Variants in HEMK2 observed in about 807,000 individuals in gnomAD.
HEMK2 encodes the protein HemK methyltransferase 2, ETF1 glutamine and histone H4 lysine.
the HEMK2 span, among the ~76,000 whole-genome samples, chr21:28,742,008 G>A: frequency 6.6e-6 from 1 of 152,302 alleles, no homozygotes; most frequent in East Asian, 1.9e-4. Flanking sequence ...TACAGGGAAA[G>A]CAAGCCTGGG....
the HEMK2 span, among the ~76,000 whole-genome samples, chr21:28,831,716 AAGGAAG>A: frequency 5.2e-5 from 7 of 134,862 alleles, 1 homozygote; most frequent in African/African-American, 1.8e-4. Context: ...GGAAGGAAGG[AAGGAAG>A]GAAGGAAGGA....
chr21:28,645,795 A>G, the HEMK2 span, among the ~76,000 whole-genome samples: 1 of 152,298 alleles, frequency 6.6e-6, no homozygotes, highest in East Asian at 1.9e-4. Context: ...AGAAAGTGCT[A>G]TCTCTGAATT....
At chr21:28,670,185 A>G in the HEMK2 span, among the ~76,000 whole-genome samples, 2 of 152,276 alleles carry the variant, frequency 1.3e-5, no homozygotes, top group Admixed American at 1.3e-4. Flanking sequence ...TAACTTAAAT[A>G]TTGTGTTAAC....
At chr21:28,845,785 CT>C in the HEMK2 span, among the ~76,000 whole-genome samples, 5 of 151,788 alleles carry the variant, frequency 3.3e-5, no homozygotes, top group African/African-American at 1.2e-4. Context: ...ACCAAATTCT[CT>C]TTTTTTTCTT....
chr21:28,714,370 G>A, the HEMK2 span, among the ~76,000 whole-genome samples: 1 of 152,226 alleles, frequency 6.6e-6, no homozygotes, highest in East Asian at 1.9e-4. Context: ...TATGCCCATT[G>A]AGGCCTATTA....
the HEMK2 span, among the ~76,000 whole-genome samples, chr21:28,718,515 T>C: frequency 2.0e-5 from 3 of 152,170 alleles, no homozygotes; most frequent in Non-Finnish European, 4.4e-5. Flanking sequence ...ACAATGTCAG[T>C]GGGATGTTGA....
the HEMK2 span, among the ~76,000 whole-genome samples, chr21:28,617,895 C>T: frequency 6.6e-6 from 1 of 151,952 alleles, no homozygotes; most frequent in African/African-American, 2.4e-5. Context: ...CTCAGGTGGC[C>T]TCCCACCATA....
the HEMK2 span, chr21:28,882,320 G>C: frequency 2.6e-6 from 3 of 1,160,984 alleles, no homozygotes; most frequent in South Asian, 3.9e-5. Flanking sequence ...GTAATATCAA[G>C]GTATGTTCCA....
At chr21:28,635,590 A>G in the HEMK2 span, among the ~76,000 whole-genome samples, 1 of 152,194 alleles carries the variant, frequency 6.6e-6, no homozygotes, top group South Asian at 2.1e-4. Flanking sequence ...CTGATACTAC[A>G]CTACTGTGTA....
chr21:28,713,733 G>A, the HEMK2 span, among the ~76,000 whole-genome samples: 4 of 152,072 alleles, frequency 2.6e-5, no homozygotes, highest in Admixed American at 6.5e-5. Context: ...ATCTACCTAC[G>A]GACCCATGTG....
chr21:28,776,379 T>G, the HEMK2 span, among the ~76,000 whole-genome samples: 1 of 152,150 alleles, frequency 6.6e-6, no homozygotes. Flanking sequence ...CAGAATGAGG[T>G]GCAATTCAAA....
the HEMK2 span, among the ~76,000 whole-genome samples, chr21:28,871,305 CAGGGCACAAGGTGAAG>C: frequency 1.3e-5 from 2 of 152,244 alleles, no homozygotes; most frequent in East Asian, 3.9e-4. Context: ...AGCTTAAAAT[CAGGGCACAAGGTGAAG>C]AGGAAGGAGG....
chr21:28,677,807 C>A, the HEMK2 span, among the ~76,000 whole-genome samples: 1 of 152,194 alleles, frequency 6.6e-6, no homozygotes, highest in African/African-American at 2.4e-5. Flanking sequence ...GGACCTCCAG[C>A]AAACTCCAAA....
the HEMK2 span, among the ~76,000 whole-genome samples, chr21:28,632,898 C>T: frequency 2.6e-5 from 4 of 152,162 alleles, no homozygotes; most frequent in Admixed American, 1.3e-4. Context: ...AAAAAGCAGA[C>T]GCAGTGTAGA....
At chr21:28,743,277 G>A in the HEMK2 span, 1 of 152,150 alleles carries the variant, frequency 6.6e-6, no homozygotes, top group Non-Finnish European at 1.5e-5. Context: ...ATTCCTAAAA[G>A]TGTTCCGTGT....
chr21:28,600,159 G>C, the HEMK2 span, among the ~76,000 whole-genome samples: 4 of 152,248 alleles, frequency 2.6e-5, no homozygotes, highest in African/African-American at 4.8e-5. Flanking sequence ...TGGGGACTCT[G>C]TGTGGGGGCT....
the HEMK2 span, among the ~76,000 whole-genome samples, chr21:28,833,541 C>G: frequency 1.3e-5 from 2 of 152,208 alleles, no homozygotes; most frequent in African/African-American, 4.8e-5. Context: ...TTTAACTAAA[C>G]AGAAACTATT....
the HEMK2 span, among the ~76,000 whole-genome samples, chr21:28,624,586 A>T: frequency 4.6e-5 from 7 of 152,194 alleles, no homozygotes; most frequent in Admixed American, 3.9e-4. Context: ...TCACTGTCCT[A>T]AGACAATAGT....
At chr21:28,870,418 G>C in the HEMK2 span, among the ~76,000 whole-genome samples, 11 of 141,628 alleles carry the variant, frequency 7.8e-5, no homozygotes, top group Admixed American at 3.5e-4. Context: ...TTTTTTTTTT[G>C]AGACGGAGTC....
Sources: gnomAD v4.1 joint callset for allele counts (sites outside exome capture counted in the v4.1 genomes callset) on GRCh38, gnomAD v4.1.1 for gene constraint, MANE v1.5 for transcripts, NCBI Gene and HGNC (gene_info 2026-07-23, HGNC 2026-07-21) for gene names.